Variants in TLN2 observed in about 807,000 individuals in gnomAD.
TLN2 encodes the protein talin 2.
In TLN2, 118 loss-of-function variants were observed where a neutral mutation model predicts 294.7. That is an observed-to-expected ratio of 0.40 (90% CI 0.34 to 0.47). The LOEUF is 0.47. Ranked by LOEUF, TLN2 falls within the 20% of genes least tolerant of loss-of-function variation. TLN2 has a pLI of 0.84. For synonymous variants in TLN2, 1,431 were observed against 1,304.5 expected (o/e 1.10, Z -2.09); for missense variants, 3,083 against 3,282.2 (o/e 0.94, Z 1.48).
At chr15:62,789,980 G>A (rs528824258) in intron 45 of TLN2, among the ~76,000 whole-genome samples, 2 of 152,344 alleles carry the variant, frequency 1.3e-5, no homozygotes, top group South Asian at 2.1e-4. Context: ...GGCCACCGGT[G>A]CTTTGCTTCA....
At chr15:62,631,700 T>TCC (rs1596407404) in intron 3 of TLN2, among the ~76,000 whole-genome samples, 1 of 146,944 alleles carries the variant, frequency 6.8e-6, no homozygotes, top group South Asian at 2.2e-4. Flanking sequence ...TTTCTTTCTT[T>TCC]CTCTCCCTCC....
intron 1 of TLN2, among the ~76,000 whole-genome samples, chr15:62,416,200 G>GAGGC (rs1260079320): frequency 1.3e-5 from 2 of 152,216 alleles, no homozygotes; most frequent in Non-Finnish European, 1.5e-5. Flanking sequence ...TTGGGAAGCT[G>GAGGC]AGGCAGGAAG....
intron 39 of TLN2, 101 bp downstream of exon 39, chr15:62,762,554 A>T: frequency 7.6e-7 from 1 of 1,314,396 alleles, no homozygotes. Context: ...ATTGTTGATC[A>T]TTATCATCTT....
At position 62,766,349 on chromosome 15, in the gene TLN2, T is replaced by G; in HGVS notation, c.5123T>G (p.Val1708Gly). The change falls in exon 41 of 59, where the codon GTC becomes GGC. Residue 1708 changes from valine to glycine, a missense_variant. Val to Gly is a moderately radical substitution (Grantham distance 109). Transcript: ENST00000636159. Reference protein sequence around the residue: ...EALQEQLTSVVQEIGHLIDPI... With the variant: ...EALQEQLTSVGQEIGHLIDPI... ...CTGCAGGAGCAGCTGACTTCGGTGG[T>G]CCAGGAAATCGGACACCTTATCGAT... The G allele has an allele frequency of 6.2e-7, 1 of 1,613,166 alleles. No individual in the cohort carries two copies. The highest frequency in any genetic ancestry group is 8.5e-7 in the Non-Finnish European group (1 of 1,179,238).
chr15:62,515,735 GA>G (rs2040155206), intron 1 of TLN2, among the ~76,000 whole-genome samples: 2 of 125,542 alleles, frequency 1.6e-5, no homozygotes, highest in Admixed American at 7.2e-5. Flanking sequence ...TCACACATCT[GA>G]TTTTTTTTCA....
chr15:62,612,122 G>T (rs1477272274), intron 2 of TLN2, among the ~76,000 whole-genome samples: 1 of 152,102 alleles, frequency 6.6e-6, no homozygotes, highest in Non-Finnish European at 1.5e-5. Context: ...CCTCAGCTTA[G>T]TTCAGTGCTT....
intron 54 of TLN2, among the ~76,000 whole-genome samples, chr15:62,825,852 T>A (rs1264922953): frequency 2.2e-5 from 2 of 89,530 alleles, no homozygotes; most frequent in African/African-American, 6.0e-5. Context: ...TATAAATATA[T>A]TATATATATA....
At chr15:62,821,509 C>T (rs1479357174) in intron 54 of TLN2, among the ~76,000 whole-genome samples, 3 of 152,202 alleles carry the variant, frequency 2.0e-5, no homozygotes, top group South Asian at 2.1e-4. Flanking sequence ...GGAGTCTGGG[C>T]CCTGAAACAG....
intron 9 of TLN2, among the ~76,000 whole-genome samples, chr15:62,669,461 C>T (rs933352943): frequency 6.6e-6 from 1 of 152,192 alleles, no homozygotes; most frequent in African/African-American, 2.4e-5. Flanking sequence ...GCTATTATGA[C>T]TGCATTCAGA....
At chr15:62,391,289 C>T (rs988726432) in intron 1 of TLN2, among the ~76,000 whole-genome samples, 1 of 152,246 alleles carries the variant, frequency 6.6e-6, no homozygotes, top group Admixed American at 6.5e-5. Flanking sequence ...CACGACTGCC[C>T]TTTACTTGGC....
At chr15:62,552,021 T>C (rs533750180) in intron 1 of TLN2, among the ~76,000 whole-genome samples, 3 of 152,368 alleles carry the variant, frequency 2.0e-5, no homozygotes, top group South Asian at 4.1e-4. Context: ...GCCCAGTTAA[T>C]CTTGACATTG....
chr15:62,797,152 C>G (rs904867521), intron 47 of TLN2, 67 bp from the exon 48 acceptor site: 2 of 1,568,572 alleles, frequency 1.3e-6, no homozygotes, highest in South Asian at 2.3e-5. Flanking sequence ...GATTTCTTTT[C>G]TTCTTGAAGT....
At chr15:62,394,051 C>T (rs549026890) in intron 1 of TLN2, among the ~76,000 whole-genome samples, 1 of 152,240 alleles carries the variant, frequency 6.6e-6, no homozygotes, top group African/African-American at 2.4e-5. Flanking sequence ...GCTGGGATTA[C>T]AGGCATGAGA....
At chr15:62,771,804 T>C (rs968269973) in intron 42 of TLN2, among the ~76,000 whole-genome samples, 1 of 152,252 alleles carries the variant, frequency 6.6e-6, no homozygotes, top group Non-Finnish European at 1.5e-5. Context: ...TGGACTGGGC[T>C]GCAGGGTGAC....
rs1282640287 is a variant in TLN2, at chr15:62,593,423, TC to T, written c.-162+3662del. ...ACAATAACAATTTCCAGGCTATTTTTCATAATTAAACTTACTAAACCATGGT... is the reference window on the plus strand; with the variant it reads ...ACAATAACAATTTCCAGGCTATTTTTATAATTAAACTTACTAAACCATGGT... On this transcript the variant is annotated intron_variant, in intron 2 of 58. Transcript: ENST00000636159. Among the ~76,000 whole-genome samples, 48 of 152,232 alleles carry T rather than the reference TC, an allele frequency of 3.2e-4. 1 individual carries two copies. Among genetic ancestry groups the T allele is most frequent in the Admixed American group, 3.0e-3 (46 of 15,278 alleles).
intron 11 of TLN2, among the ~76,000 whole-genome samples, chr15:62,682,684 C>T (rs1439104216): frequency 6.6e-6 from 1 of 152,036 alleles, no homozygotes. Flanking sequence ...TGTCTACATT[C>T]TTCCTTCTTT....
chr15:62,587,272 C>T (rs532526553), intron 1 of TLN2, among the ~76,000 whole-genome samples: 8 of 152,276 alleles, frequency 5.3e-5, no homozygotes, highest in South Asian at 2.1e-4. Context: ...AACTTCAACA[C>T]GAGATTTTAA....
At chr15:62,647,908 C>A (rs1231190255) in intron 4 of TLN2, among the ~76,000 whole-genome samples, 1 of 152,092 alleles carries the variant, frequency 6.6e-6, no homozygotes, top group Non-Finnish European at 1.5e-5. Flanking sequence ...AAAAAAAAGA[C>A]ATTTGTGATA....
rs1469445677 is a variant in TLN2, at chr15:62,673,090, G to GTGTGTGTC, written c.789-730_789-729insCTGTGTGT. On this transcript the variant is annotated intron_variant, in intron 9 of 58. Coordinates refer to ENST00000636159, the MANE Select transcript of TLN2 (RefSeq NM_015059.3). ...AATTTAATTGTGTGTGTGTGTGTGTGTGTGTGTGTCTGTGTATAGACAGGA... is the reference window on the plus strand; with the variant it reads ...AATTTAATTGTGTGTGTGTGTGTGTGTGTGTGTCTGTGTGTGTCTGTGTATAGACAGGA... 2.6e-5 allele frequency among the ~76,000 whole-genome samples: 4 copies of GTGTGTGTC among 151,702 alleles called. No individual in the cohort carries two copies. The South Asian group carries it at 8.3e-4, about 32-fold the overall frequency.
Sources: gnomAD v4.1 joint callset for allele counts (sites outside exome capture counted in the v4.1 genomes callset) on GRCh38, gnomAD v4.1.1 for gene constraint, MANE v1.5 for transcripts, NCBI Gene and HGNC (gene_info 2026-07-23, HGNC 2026-07-21) for gene names.